The following WDR59 variants were observed in gnomAD, a reference collection of about 807,000 sequenced individuals.
WDR59 encodes the protein WD repeat domain 59.
WDR59 carries 100 observed loss-of-function variants against 131.2 expected under a neutral mutation model. The observed-to-expected ratio is 0.76, with a 90% confidence interval of 0.65 to 0.90. WDR59 has a LOEUF of 0.90. Ranked by LOEUF, WDR59 falls within the 40% of genes least tolerant of loss-of-function variation. WDR59 has a pLI of 0.00. For missense variants in WDR59, 1,203 were observed against 1,262.2 expected, an observed-to-expected ratio of 0.95 and a Z score of 0.71; for synonymous variants, 601 against 466.2, an observed-to-expected ratio of 1.29 and a Z score of -3.72.
intron 20 of WDR59, among the ~76,000 whole-genome samples, chr16:74,891,805 T>G (rs997063113): frequency 6.6e-6 from 1 of 152,150 alleles, no homozygotes; most frequent in Non-Finnish European, 1.5e-5. Context: ...GCATCTATAA[T>G]CCCCGCTACT....
At chr16:74,938,905 T>A (rs1255685295) in intron 7 of WDR59, among the ~76,000 whole-genome samples, 1 of 151,926 alleles carries the variant, frequency 6.6e-6, no homozygotes, top group Non-Finnish European at 1.5e-5. Flanking sequence ...GAAGAGAGAC[T>A]GAGACATCCA....
chr16:74,950,903 C>T (rs2032954475), intron 4 of WDR59, among the ~76,000 whole-genome samples: 1 of 151,862 alleles, frequency 6.6e-6, no homozygotes, highest in Non-Finnish European at 1.5e-5. Context: ...CGCCTGTAAT[C>T]CCAACACTTT....
intron 16 of WDR59, 145 bp downstream of exon 16, chr16:74,909,356 G>A (rs1965970135): frequency 5.6e-6 from 6 of 1,069,806 alleles, no homozygotes; most frequent in Non-Finnish European, 7.6e-6. Flanking sequence ...CTGGGCCTCA[G>A]ACCCTACCAC....
At chr16:74,892,412 G>C in intron 20 of WDR59, 72 bp downstream of exon 20, 2 of 1,225,692 alleles carry the variant, frequency 1.6e-6, no homozygotes, top group Non-Finnish European at 2.4e-6. Flanking sequence ...GTCATTAAAT[G>C]CCAATGACAA....
chr16:74,943,204 C>A (rs1303068355), intron 6 of WDR59, among the ~76,000 whole-genome samples: 2 of 151,504 alleles, frequency 1.3e-5, no homozygotes, highest in Non-Finnish European at 2.9e-5. Context: ...TGCTCGCACT[C>A]CTAATTAGAA....
intron 1 of WDR59, among the ~76,000 whole-genome samples, chr16:74,977,542 G>A (rs2034236660): frequency 6.6e-6 from 1 of 152,024 alleles, no homozygotes; most frequent in African/African-American, 2.4e-5. Context: ...CAAAAAAATA[G>A]CAGGGTGTGG....
chr16:74,875,382 T>G (rs1463011266), intron 25 of WDR59, among the ~76,000 whole-genome samples: 2 of 152,026 alleles, frequency 1.3e-5, no homozygotes, highest in Non-Finnish European at 1.5e-5. Context: ...GTCCCATCGC[T>G]GCCTCCAGAC....
intron 7 of WDR59, among the ~76,000 whole-genome samples, chr16:74,941,099 C>A (rs2032184313): frequency 1.3e-5 from 2 of 151,840 alleles, no homozygotes; most frequent in African/African-American, 4.8e-5. Context: ...AATCCCAGCA[C>A]TTTGGGAGGC....
chr16:74,983,251 T>C (rs2034497459), intron 1 of WDR59, among the ~76,000 whole-genome samples: 1 of 151,920 alleles, frequency 6.6e-6, no homozygotes, highest in African/African-American at 2.4e-5. Context: ...GGCAGATGGA[T>C]CACTTGAGGC....
chr16:74,924,691 A>G (rs1233598413), intron 8 of WDR59, among the ~76,000 whole-genome samples: 1 of 152,254 alleles, frequency 6.6e-6, no homozygotes, highest in Non-Finnish European at 1.5e-5. Flanking sequence ...CATTTGTCAC[A>G]AAGGCAGGAA....
chr16:74,915,844 G>C, intron 13 of WDR59, 26 bp downstream of exon 13: 1 of 1,614,066 alleles, frequency 6.2e-7, no homozygotes, highest in Non-Finnish European at 8.5e-7. Flanking sequence ...CAGCAAACAT[G>C]AGATACAGTT....
intron 8 of WDR59, among the ~76,000 whole-genome samples, chr16:74,932,755 C>T (rs1481022154): frequency 6.6e-6 from 1 of 152,162 alleles, no homozygotes; most frequent in East Asian, 1.9e-4. Context: ...TCCCAAAGTG[C>T]TGGGATTACA....
chr16:74,886,564 C>CT (rs200602693), intron 23 of WDR59, 168 bp from the exon 24 acceptor site: 79 of 867,118 alleles, frequency 9.1e-5, no homozygotes, highest in Non-Finnish European at 1.2e-4. Context: ...CTACCCTTGC[C>CT]TTTTTGCGCA....
At chr16:74,955,045 G>A (rs2033214847) in intron 3 of WDR59, among the ~76,000 whole-genome samples, 1 of 152,198 alleles carries the variant, frequency 6.6e-6, no homozygotes, top group South Asian at 2.1e-4. Flanking sequence ...GATAGAGGTG[G>A]TGGTTATACA....
chr16:74,931,117 T>A (rs1283124355), intron 8 of WDR59, among the ~76,000 whole-genome samples: 2 of 152,044 alleles, frequency 1.3e-5, no homozygotes, highest in Non-Finnish European at 2.9e-5. Context: ...AGTATAAACA[T>A]TGATTTTTAA....
chr16:74,939,751 G>A (rs1311991313), intron 7 of WDR59, among the ~76,000 whole-genome samples: 1 of 152,160 alleles, frequency 6.6e-6, no homozygotes, highest in Non-Finnish European at 1.5e-5. Context: ...TGTTCTGGGA[G>A]GCCAAGGCAG....
intron 1 of WDR59, among the ~76,000 whole-genome samples, chr16:74,974,709 T>TG (rs1441077031): frequency 6.6e-6 from 1 of 152,300 alleles, no homozygotes; most frequent in East Asian, 1.9e-4. Context: ...TCTGGAATTT[T>TG]GGTACCTGTT....
chr16:74,886,484 A>G (rs955430750), intron 23 of WDR59, 88 bp from the exon 24 acceptor site: 8 of 1,493,778 alleles, frequency 5.4e-6, no homozygotes, highest in South Asian at 1.3e-5. Context: ...CACGTGGCCA[A>G]TGGATTTCCC....
Position 74,978,754 on chromosome 16 carries a change from T to A in WDR59, c.54+6210A>T, listed in dbSNP as rs538604417. 9.5e-4 allele frequency among the ~76,000 whole-genome samples: 145 copies of A among 152,254 alleles called. 1 individual carries two copies. The highest frequency in any genetic ancestry group is 3.4e-3 in the African/African-American group (140 of 41,556). On this transcript the variant is annotated intron_variant, in intron 1 of 25. Transcript: ENST00000262144. ...TTATACCTGCATAAACCTGGATTTT[T>A]TTTTTTTAATCACTCTGGCTATATG...
Sources: allele counts gnomAD v4.1 joint callset (sites outside exome capture counted in the v4.1 genomes callset), GRCh38; gene constraint gnomAD v4.1.1; transcripts MANE v1.5; gene names NCBI Gene and HGNC (gene_info 2026-07-23, HGNC 2026-07-21).